The following TEX14 variants were observed in gnomAD, a reference collection of about 807,000 sequenced individuals.
TEX14 encodes the protein inactive serine/threonine-protein kinase TEX14.
A neutral mutation model predicts 178.6 loss-of-function variants in TEX14; 168 were observed. That is an observed-to-expected ratio of 0.94 (90% CI 0.83 to 1.07). The LOEUF (loss-of-function observed/expected upper bound fraction) is 1.07. Among genes scored for constraint, TEX14 ranks in the 50% least tolerant of loss-of-function variants. The pLI, the probability that TEX14 is intolerant of heterozygous loss-of-function variation, is 0.00. For missense variants in TEX14, 1,730 were observed against 1,753.6 expected, an observed-to-expected ratio of 0.99 and a Z score of 0.24; for synonymous variants, 626 against 634.1, an observed-to-expected ratio of 0.99 and a Z score of 0.19.
At chr17:58,644,555 G>C (rs2046650491) in intron 2 of TEX14, among the ~76,000 whole-genome samples, 1 of 150,270 alleles carries the variant, frequency 6.7e-6, no homozygotes, top group South Asian at 2.1e-4. Flanking sequence ...TGTCAACCTG[G>C]TCTTGAACTC....
At chr17:58,657,432 A>AG in intron 1 of TEX14, among the ~76,000 whole-genome samples, 1 of 142,494 alleles carries the variant, frequency 7.0e-6, no homozygotes, top group East Asian at 2.3e-4. Flanking sequence ...TCAGATATTG[A>AG]GGGGAATAAC....
intron 17 of TEX14, 70 bp from the exon 18 acceptor site, chr17:58,586,152 G>GAAATACAT: frequency 6.9e-7 from 1 of 1,457,488 alleles, no homozygotes; most frequent in Non-Finnish European, 9.3e-7. Context: ...TCATCTAAAA[G>GAAATACAT]AAATACATAA....
intron 2 of TEX14, chr17:58,631,816 T>A (rs753841489): frequency 4.0e-5 from 6 of 148,796 alleles, no homozygotes; most frequent in South Asian, 2.1e-4. Flanking sequence ...CTATAGAAAT[T>A]ATCCCTCAAA....
chr17:58,562,249 A>C (rs2044287883), intron 28 of TEX14, among the ~76,000 whole-genome samples: 1 of 152,188 alleles, frequency 6.6e-6, no homozygotes, highest in African/African-American at 2.4e-5. Context: ...TGAGGCTAGA[A>C]CTATACATGC....
intron 2 of TEX14, among the ~76,000 whole-genome samples, chr17:58,650,813 T>G (rs2046825043): frequency 6.6e-6 from 1 of 151,978 alleles, no homozygotes; most frequent in Non-Finnish European, 1.5e-5. Flanking sequence ...GTGGGATAGG[T>G]GGAAAATTGG....
chr17:58,640,644 T>TGAGA (rs150602548), intron 2 of TEX14, among the ~76,000 whole-genome samples: 343 of 147,132 alleles, frequency 2.3e-3, no homozygotes, highest in South Asian at 6.4e-3. Flanking sequence ...TGTGTGTGTG[T>TGAGA]GAGAGAGAGA....
chr17:58,677,498 A>G (rs1219581069), intron 1 of TEX14: 1 of 152,238 alleles, frequency 6.6e-6, no homozygotes, highest in Non-Finnish European at 1.5e-5. Flanking sequence ...CACAGTTCAC[A>G]AGAAACAAGC....
chr17:58,640,442 G>T (rs1307400168), intron 2 of TEX14, among the ~76,000 whole-genome samples: 1 of 152,158 alleles, frequency 6.6e-6, no homozygotes, highest in Non-Finnish European at 1.5e-5. Context: ...TAGGTAACTT[G>T]CCTAAGGTCA....
At chr17:58,563,762 T>C (rs1425957563) in intron 28 of TEX14, among the ~76,000 whole-genome samples, 1 of 146,108 alleles carries the variant, frequency 6.8e-6, no homozygotes, top group Non-Finnish European at 1.5e-5. Flanking sequence ...TGTATACATA[T>C]ATATAGATCA....
chr17:58,567,500 G>T (rs2044427280), intron 26 of TEX14, among the ~76,000 whole-genome samples: 1 of 152,176 alleles, frequency 6.6e-6, no homozygotes, highest in Non-Finnish European at 1.5e-5. Flanking sequence ...GATCTTAAAT[G>T]ATCATCTGTA....
At chr17:58,652,026 C>T in intron 1 of TEX14, 24 bp from the exon 2 acceptor site, 1 of 1,482,080 alleles carries the variant, frequency 6.7e-7, no homozygotes, top group Non-Finnish European at 9.0e-7. Context: ...GAGCAATATG[C>T]TTATTTTAAC....
intron 1 of TEX14, among the ~76,000 whole-genome samples, chr17:58,685,409 C>G (rs1461536597): frequency 6.7e-6 from 1 of 149,998 alleles, no homozygotes; most frequent in Admixed American, 6.7e-5. Flanking sequence ...GCACTCCAGC[C>G]TGGGCAGCAG....
At position 58,588,173 on chromosome 17, in the gene TEX14, G is replaced by C. The variant is rs1018084040; in HGVS notation, c.2577-152C>G. 3 of 603,710 alleles carry C rather than the reference G, an allele frequency of 5.0e-6. No individual in the cohort carries two copies. The African/African-American group carries it at 5.6e-5, about 11-fold the overall frequency. 37.4% of individuals were successfully genotyped at this position (603,710 alleles called of 1,614,324 possible). ...CAGTTTCACAAGACACAATCCCTGG[G>C]CTGTTGCAGAGCCTCCCCTGCAAAT... is the stretch of plus-strand genomic sequence containing the variant. On this transcript the variant is annotated intron_variant, in intron 15 of 31. Coordinates refer to ENST00000349033, the MANE Select transcript of TEX14 (RefSeq NM_031272.5).
chr17:58,648,082 G>A (rs752546838), intron 2 of TEX14: 13 of 152,374 alleles, frequency 8.5e-5, no homozygotes, highest in Non-Finnish European at 4.4e-5. Context: ...CTCTTCCTCT[G>A]ATCTCAACGC....
intron 3 of TEX14, among the ~76,000 whole-genome samples, chr17:58,628,394 T>C (rs34627216): frequency 0.19 from 28,135 of 149,200 alleles, 2,780 homozygotes; most frequent in Non-Finnish European, 0.21. Context: ...CTGACCAACA[T>C]AGTGAAACCC....
intron 2 of TEX14, among the ~76,000 whole-genome samples, chr17:58,639,231 G>T (rs1430805476): frequency 6.6e-6 from 1 of 152,032 alleles, no homozygotes; most frequent in African/African-American, 2.4e-5. Flanking sequence ...TCACTGATAT[G>T]TGGGAGCTAA....
chr17:58,595,355 T>G (rs796504585), intron 14 of TEX14, among the ~76,000 whole-genome samples: 1 of 152,174 alleles, frequency 6.6e-6, no homozygotes, highest in Non-Finnish European at 1.5e-5. Flanking sequence ...ACTAGTAGAT[T>G]GTTTCCAGCA....
intron 29 of TEX14, 79 bp from the exon 30 acceptor site, chr17:58,559,641 AAACAACAAC>A (rs10699411): frequency 5.7e-6 from 4 of 698,118 alleles, no homozygotes; most frequent in African/African-American, 5.4e-5. Context: ...AACAAAAAAC[AAACAACAAC>A]AACAACAACA....
Position 58,692,040 on chromosome 17 carries a change from G to A in TEX14, c.-103C>T, listed in dbSNP as rs1292580499. ...TCCCGGGAAGACGTGGGTGGGTGCG[G>A]GGAATGCGGACTGATCCCTCCCAGC... On this transcript the variant is annotated 5_prime_UTR_variant, in exon 1 of 32. Coordinates refer to ENST00000349033, the MANE Select transcript of TEX14 (RefSeq NM_031272.5). 6.5e-6 allele frequency: 1 copy of A among 153,896 alleles called. No homozygotes were observed. Among genetic ancestry groups the A allele is most frequent in the Non-Finnish European group, 1.4e-5 (1 of 69,640 alleles). 9.5% of individuals were successfully genotyped at this position (153,896 alleles called of 1,614,324 possible).
Sources: allele counts gnomAD v4.1 joint callset (sites outside exome capture counted in the v4.1 genomes callset), GRCh38; gene constraint gnomAD v4.1.1; transcripts MANE v1.5; gene names NCBI Gene and HGNC (gene_info 2026-07-23, HGNC 2026-07-21).